The following EFL1 variants were observed in gnomAD, a reference collection of about 807,000 sequenced individuals.
EFL1 encodes the protein elongation factor-like GTPase 1.
A neutral mutation model predicts 126.7 loss-of-function variants in EFL1; 76 were observed. That is an observed-to-expected ratio of 0.60 (90% CI 0.50 to 0.73). EFL1 has a LOEUF of 0.73. Among genes scored for constraint, EFL1 ranks in the 30% least tolerant of loss-of-function variants. The probability of loss-of-function intolerance (pLI) is 0.00; values close to 1 mark genes in which losing one functional copy is unlikely to be tolerated. For synonymous variants in EFL1, 410 were observed against 448.4 expected (o/e 0.91, Z 1.08); for missense variants, 1,128 against 1,343.2 (o/e 0.84, Z 2.50).
At chr15:82,219,421 T>C (rs960909998) in intron 14 of EFL1, among the ~76,000 whole-genome samples, 3 of 152,190 alleles carry the variant, frequency 2.0e-5, no homozygotes, top group Admixed American at 1.3e-4. Flanking sequence ...AGCCTTATAA[T>C]TAAACAAGGC....
At chr15:82,217,523 C>T (rs891901701) in intron 14 of EFL1, among the ~76,000 whole-genome samples, 1 of 142,238 alleles carries the variant, frequency 7.0e-6, no homozygotes, top group Non-Finnish European at 1.6e-5. Flanking sequence ...ATTAATCTCA[C>T]AAAGTTAAAA....
intron 15 of EFL1, among the ~76,000 whole-genome samples, chr15:82,179,508 C>T (rs896829253): frequency 6.6e-6 from 1 of 152,158 alleles, no homozygotes; most frequent in Non-Finnish European, 1.5e-5. Flanking sequence ...TCATCCCAGA[C>T]AATCCCTGGC....
At chr15:82,240,648 C>A in intron 5 of EFL1, 93 bp from the exon 6 acceptor site, 5 of 1,429,434 alleles carry the variant, frequency 3.5e-6, no homozygotes, top group Non-Finnish European at 4.8e-6. Context: ...CTAGACTATG[C>A]CAGTCAGACA....
intron 3 of EFL1, 27 bp downstream of exon 3, chr15:82,259,061 A>G: frequency 6.3e-7 from 1 of 1,596,554 alleles, no homozygotes; most frequent in Admixed American, 1.7e-5. Context: ...CTGAAATGCA[A>G]CAAGTATTTA....
rs749118633 is a variant in EFL1 at position 82,259,062 on chromosome 15, CAAGT to C, written c.159+22_159+25del. ...GTTGATAGCTAATACTGAAATGCAA[CAAGT>C]ATTTATAAAATAATAACATACCTTG... On this transcript the variant is annotated intron_variant, in intron 3 of 19. Transcript: ENST00000268206. 4.4e-6 allele frequency: 7 copies of C among 1,597,408 alleles called. No homozygotes were observed. In the South Asian group the frequency reaches 7.7e-5, roughly 18 times the overall value.
chr15:82,190,932 G>A (rs2074352790), intron 15 of EFL1, among the ~76,000 whole-genome samples: 1 of 151,182 alleles, frequency 6.6e-6, no homozygotes, highest in South Asian at 2.1e-4. Context: ...CCTCAACAAT[G>A]CCACCAAAAT....
In EFL1 at chr15:82,219,710, C is replaced by G. The variant is rs747824959; in HGVS notation, c.1553G>C (p.Arg518Thr). Residue 518 changes from arginine to threonine, a missense_variant, in exon 14 of 20, where the codon AGA (arginine) becomes ACA (threonine). Physicochemically the swap from Arg to Thr is moderately conservative, Grantham distance 71 (BLOSUM62 -1). Coordinates refer to ENST00000268206, the MANE Select transcript of EFL1 (RefSeq NM_024580.6). ...CCCCAAGACAAAAATTTTCTTTCCTCTTCGAGCCACACCACTGAACACCCG... is the reference window on the plus strand; with the variant it reads ...CCCCAAGACAAAAATTTTCTTTCCTGTTCGAGCCACACCACTGAACACCCG... ...FARVFSGVARRGKKIFVLGPK... is the reference protein window; with the variant it reads ...FARVFSGVARTGKKIFVLGPK... 2 of 1,613,828 alleles carry G rather than the reference C, an allele frequency of 1.2e-6. No individual in the cohort carries two copies. Among genetic ancestry groups the G allele is most frequent in the Non-Finnish European group, 1.7e-6 (2 of 1,179,870 alleles).
At chr15:82,171,984 A>G (rs895114840) in intron 15 of EFL1, among the ~76,000 whole-genome samples, 9 of 152,106 alleles carry the variant, frequency 5.9e-5, no homozygotes, top group Non-Finnish European at 8.8e-5. Flanking sequence ...ACTAGTACAG[A>G]TCAATGAAAA....
chr15:82,250,489 C>T (rs898273445), intron 4 of EFL1, among the ~76,000 whole-genome samples: 5 of 137,936 alleles, frequency 3.6e-5, no homozygotes, highest in African/African-American at 1.4e-4. Context: ...GCTCTTGAGC[C>T]TGTGTGCTCA....
At chr15:82,239,343 C>T (rs192096018) in intron 6 of EFL1, among the ~76,000 whole-genome samples, 11 of 151,990 alleles carry the variant, frequency 7.2e-5, no homozygotes, top group African/African-American at 2.4e-4. Context: ...TCACCTTGTT[C>T]GACAGGATGG....
intron 15 of EFL1, among the ~76,000 whole-genome samples, chr15:82,189,105 A>T (rs1010756539): frequency 1.3e-5 from 2 of 152,148 alleles, no homozygotes; most frequent in Non-Finnish European, 2.9e-5. Context: ...ATGGTGTGTA[A>T]TGCTCCTAGA....
At chr15:82,233,124 T>G (rs773028023) in intron 7 of EFL1, among the ~76,000 whole-genome samples, 1 of 152,200 alleles carries the variant, frequency 6.6e-6, no homozygotes, top group African/African-American at 2.4e-5. Context: ...ATATTAAATA[T>G]TCACACATGT....
At chr15:82,216,865 T>C (rs1272354469) in intron 14 of EFL1, among the ~76,000 whole-genome samples, 5 of 152,024 alleles carry the variant, frequency 3.3e-5, no homozygotes, top group Non-Finnish European at 1.5e-5. Context: ...TATTAAAAGG[T>C]ACCAAATGGA....
At chr15:82,260,446 C>T (rs2075103240) in intron 2 of EFL1, among the ~76,000 whole-genome samples, 2 of 152,162 alleles carry the variant, frequency 1.3e-5, no homozygotes, top group African/African-American at 4.8e-5. Flanking sequence ...GCCACCTAAT[C>T]TCTGACTTTG....
chr15:82,220,559 G>A (rs1177975222), intron 12 of EFL1, among the ~76,000 whole-genome samples: 1 of 152,222 alleles, frequency 6.6e-6, no homozygotes, highest in East Asian at 1.9e-4. Context: ...AACAGTGACA[G>A]ATACTAGGGT....
chr15:82,175,498 A>G (rs1287788049), intron 15 of EFL1, among the ~76,000 whole-genome samples: 1 of 152,224 alleles, frequency 6.6e-6, no homozygotes, highest in East Asian at 1.9e-4. Flanking sequence ...CCAGAACTAC[A>G]GGTTGAATTT....
In EFL1 at chr15:82,208,542, T is replaced by C. The variant is rs540368931; in HGVS notation, c.1750+6175A>G. 2.2e-4 allele frequency among the ~76,000 whole-genome samples: 34 copies of C among 152,290 alleles called. 1 individual carries two copies. In the South Asian group the frequency reaches 7.0e-3, roughly 32 times the overall value. On this transcript the variant is annotated intron_variant, in intron 15 of 19. Transcript: ENST00000268206. The stretch of plus-strand genomic sequence containing the variant: ...TAGTATTATGATACCAAGAAACTAA[T>C]GGCCATTTTAACTTATAATGCAAGA...
intron 4 of EFL1, among the ~76,000 whole-genome samples, chr15:82,245,958 G>A (rs1169296821): frequency 1.3e-5 from 2 of 151,370 alleles, no homozygotes; most frequent in Non-Finnish European, 2.9e-5. Flanking sequence ...AGTGACAGGG[G>A]TTAGGAAAAT....
At chr15:82,255,923 T>C (rs2075062690) in intron 3 of EFL1, among the ~76,000 whole-genome samples, 1 of 152,232 alleles carries the variant, frequency 6.6e-6, no homozygotes, top group Non-Finnish European at 1.5e-5. Flanking sequence ...GTTTATTTGC[T>C]CTTCTGTATA....
Sources: gnomAD v4.1 joint callset for allele counts (sites outside exome capture counted in the v4.1 genomes callset) on GRCh38, gnomAD v4.1.1 for gene constraint, MANE v1.5 for transcripts, NCBI Gene and HGNC (gene_info 2026-07-23, HGNC 2026-07-21) for gene names.